NUP85: variants seen among roughly 807,000 people sequenced by gnomAD.
The protein encoded by NUP85 is nucleoporin 85.
In NUP85, 23 loss-of-function variants were observed where a neutral mutation model predicts 92.8. The ratio of observed to expected loss-of-function variants is 0.25; its 90% CI spans 0.18 to 0.35. The LOEUF (loss-of-function observed/expected upper bound fraction) is 0.35. Ranked by LOEUF, NUP85 falls within the 10% of genes least tolerant of loss-of-function variation. The probability of loss-of-function intolerance (pLI) is 1.00; values close to 1 mark genes in which losing one functional copy is unlikely to be tolerated. For missense variants in NUP85, 759 were observed against 822.8 expected (o/e 0.92, Z 0.95); for synonymous variants, 314 against 306.9 (o/e 1.02, Z -0.24).
intron 16 of NUP85, among the ~76,000 whole-genome samples, chr17:75,233,441 T>TC (rs1410846658): frequency 7.1e-6 from 1 of 140,896 alleles, no homozygotes; most frequent in Admixed American, 7.1e-5. Flanking sequence ...TTTTTTCTTT[T>TC]TTTTTTTTTT....
chr17:75,222,870 C>T (rs565906337), intron 7 of NUP85, among the ~76,000 whole-genome samples: 3 of 151,830 alleles, frequency 2.0e-5, no homozygotes, highest in African/African-American at 7.2e-5. Context: ...CCCGTCTCTA[C>T]TAAAAATACA....
At chr17:75,222,355 G>A (rs1361149339) in intron 7 of NUP85, among the ~76,000 whole-genome samples, 15 of 152,206 alleles carry the variant, frequency 9.9e-5, no homozygotes, top group Non-Finnish European at 1.5e-4. Context: ...GACATGTTAC[G>A]TTTTAAGATG....
intron 11 of NUP85, chr17:75,228,933 C>T (rs2075933065): frequency 2.0e-6 from 2 of 985,316 alleles, no homozygotes; most frequent in Non-Finnish European, 2.4e-6. Context: ...TGACTGCTAA[C>T]CCCTTAGCTG....
intron 3 of NUP85, among the ~76,000 whole-genome samples, chr17:75,210,455 T>A (rs1223415802): frequency 6.6e-6 from 1 of 152,214 alleles, no homozygotes; most frequent in Non-Finnish European, 1.5e-5. Flanking sequence ...ACTTGTTAAT[T>A]GTAGACTTTT....
chr17:75,228,442 GT>G, intron 11 of NUP85: 7 of 985,414 alleles, frequency 7.1e-6, no homozygotes, highest in Non-Finnish European at 8.4e-6. Flanking sequence ...CTCCTATCCT[GT>G]TTTGAAAGAG....
At chr17:75,206,460 C>T (rs1040214783) in intron 1 of NUP85, among the ~76,000 whole-genome samples, 2 of 151,880 alleles carry the variant, frequency 1.3e-5, no homozygotes, top group Admixed American at 6.6e-5. Context: ...GCACAGGTCA[C>T]AGGAGGATCT....
intron 4 of NUP85, 30 bp downstream of exon 4, chr17:75,212,092 G>GCA (rs1334122253): frequency 1.5e-6 from 2 of 1,345,736 alleles, no homozygotes; most frequent in Admixed American, 4.2e-5. Context: ...GCGCGCGTGT[G>GCA]TGTGTGTGTG....
At position 75,235,562 on chromosome 17, in the gene NUP85, G is replaced by A. The variant is rs370314664; in HGVS notation, c.1870-16G>A. 105 of 1,594,110 alleles carry A rather than the reference G, an allele frequency of 6.6e-5. 1 individual carries two copies. The highest frequency in any genetic ancestry group is 3.0e-4 in the South Asian group (27 of 90,610). ...CTTCCTGCTCTTAGCTCATGCTGGC[G>A]CTCTCTGCTTTGCAGGATGATGACA... On this transcript the variant is annotated splice_polypyrimidine_tract_variant and intron_variant, in intron 18 of 18. Transcript: ENST00000245544.
intron 6 of NUP85, among the ~76,000 whole-genome samples, 193 bp downstream of exon 6, chr17:75,216,016 T>C (rs933923365): frequency 2.0e-5 from 3 of 152,204 alleles, no homozygotes; most frequent in Non-Finnish European, 4.4e-5. Context: ...AAAAGAATCA[T>C]GCAGAGTGCC....
chr17:75,227,072 T>C lies in NUP85; in HGVS notation c.1094+915T>C, dbSNP rs943235018. On this transcript the variant is annotated intron_variant, in intron 11 of 18. Transcript: ENST00000245544. The stretch of plus-strand genomic sequence containing the variant: ...AAGTCAGAAAGAAGGTCCCCTTCCT[T>C]GTTGTGCACCCTGGATGGTGGGCAT... The C allele has an allele frequency of 3.8e-5, 7 of 183,560 alleles. No homozygotes were observed. In the South Asian group the frequency reaches 7.2e-4, roughly 19 times the overall value. 11.4% of individuals were successfully genotyped at this position (183,560 alleles called of 1,614,324 possible).
intron 11 of NUP85, chr17:75,228,366 A>C: frequency 1.0e-6 from 1 of 985,436 alleles, no homozygotes; most frequent in South Asian, 4.7e-5. Flanking sequence ...TCTCACAAGC[A>C]GGAAGGGATC....
At chr17:75,214,856 CAAA>C (rs34942784) in intron 5 of NUP85, among the ~76,000 whole-genome samples, 2 of 148,218 alleles carry the variant, frequency 1.3e-5, no homozygotes, top group Admixed American at 6.8e-5. Context: ...GACTCTGTCT[CAAA>C]AAAAAAAACA....
chr17:75,225,105 G>T lies in NUP85; in HGVS notation c.600G>T (p.Val200=). The stretch of plus-strand genomic sequence containing the variant: ...TATGGGCCCGGATCTCCTCCCAGGT[G>T]ACCATCTTGGTGCTGCAGGGCCGGC... ...PSKHDSFWNL[V]TILVLQGRLD... The change falls in exon 8 of 19, where the codon GTG becomes GTT. Residue 200 remains valine (V), a splice_region_variant and synonymous_variant. Transcript: ENST00000245544. 6.4e-7 allele frequency: 1 copy of T among 1,551,840 alleles called. No individual in the cohort carries two copies. Among genetic ancestry groups the T allele is most frequent in the South Asian group, 1.2e-5 (1 of 81,532 alleles).
At position 75,220,734 on chromosome 17, in the gene NUP85, G is replaced by A. The variant is rs571952587; in HGVS notation, c.597+2428G>A. ...CAAGTAGCTGGGATTATAGGTATAC[G>A]CCATGATGCCCAGCTGGTTTTTGTT... On this transcript the variant is annotated intron_variant, in intron 7 of 18. Coordinates refer to ENST00000245544, the MANE Select transcript of NUP85 (RefSeq NM_024844.5). Among the ~76,000 whole-genome samples the A allele has an allele frequency of 3.5e-3, 531 of 151,524 alleles. 2 individuals are homozygous for A. The highest frequency in any genetic ancestry group is 0.012 in the African/African-American group (501 of 41,294).
Position 75,225,115 on chromosome 17 carries a change from G to A in NUP85, c.610G>A (p.Val204Met), listed in dbSNP as rs759805202. ...GATCTCCTCCCAGGTGACCATCTTG[G>A]TGCTGCAGGGCCGGCTGGATGAGGC... ...DSFWNLVTIL[V>M]LQGRLDEARQ... The change falls in exon 8 of 19, where the codon GTG becomes ATG. Residue 204 changes from valine (V) to methionine (M), a missense_variant. Transcript: ENST00000245544. 3 of 1,563,614 alleles carry A rather than the reference G, an allele frequency of 1.9e-6. No homozygotes were observed. The highest frequency in any genetic ancestry group is 1.2e-5 in the South Asian group (1 of 83,418).
intron 11 of NUP85, among the ~76,000 whole-genome samples, chr17:75,229,710 T>TG (rs1447967513): frequency 6.6e-6 from 1 of 152,294 alleles, no homozygotes; most frequent in African/African-American, 2.4e-5. Flanking sequence ...AGTTGTGTTG[T>TG]TAGTTCTCTG....
At chr17:75,229,143 TC>T (rs1275165219) in intron 11 of NUP85, 2 of 985,312 alleles carry the variant, frequency 2.0e-6, no homozygotes, top group Non-Finnish European at 1.2e-6. Flanking sequence ...TGACAAGTCT[TC>T]CTTCAATAAC....
chr17:75,214,177 CTACTT>C (rs2075359325), intron 5 of NUP85, among the ~76,000 whole-genome samples: 1 of 152,094 alleles, frequency 6.6e-6, no homozygotes, highest in African/African-American at 2.4e-5. Flanking sequence ...GCAAGTGGCT[CTACTT>C]TACTTGGAGC....
intron 3 of NUP85, among the ~76,000 whole-genome samples, chr17:75,210,926 C>T (rs1253552151): frequency 1.3e-5 from 2 of 151,040 alleles, no homozygotes; most frequent in African/African-American, 2.4e-5. Flanking sequence ...TGGTCTCGAT[C>T]TCGTGACCTC....
Sources: gnomAD v4.1 joint callset for allele counts (sites outside exome capture counted in the v4.1 genomes callset) on GRCh38, gnomAD v4.1.1 for gene constraint, MANE v1.5 for transcripts, NCBI Gene and HGNC (gene_info 2026-07-23, HGNC 2026-07-21) for gene names.